Variants in ZNF277 observed in about 807,000 individuals in gnomAD.
ZNF277 encodes the protein nuclear receptor-interacting factor 4.
A neutral mutation model predicts 60.7 loss-of-function variants in ZNF277; 55 were observed. That is an observed-to-expected ratio of 0.91 (90% CI 0.73 to 1.13). The LOEUF is 1.13. Ranked by LOEUF, ZNF277 falls within the 50% of genes most tolerant of loss-of-function variation. ZNF277 has a pLI of 0.00. For synonymous variants in ZNF277, 178 were observed against 179.3 expected, an observed-to-expected ratio of 0.99 and a Z score of 0.06; for missense variants, 510 against 523.0, an observed-to-expected ratio of 0.98 and a Z score of 0.24.
intron 4 of ZNF277, among the ~76,000 whole-genome samples, chr7:112,316,851 A>G (rs571230458): frequency 1.4e-4 from 21 of 152,210 alleles, no homozygotes; most frequent in African/African-American, 4.8e-4. Context: ...ACACATGCAC[A>G]CATATGTTTA....
At chr7:112,296,379 G>T (rs62473138) in intron 4 of ZNF277, 68 bp downstream of exon 4, 14 of 730,176 alleles carry the variant, frequency 1.9e-5, no homozygotes, top group South Asian at 8.5e-5. Context: ...AAATCATATT[G>T]GTTTTTTTTT....
chr7:112,300,278 A>G (rs148786777), intron 4 of ZNF277, among the ~76,000 whole-genome samples: 4 of 152,312 alleles, frequency 2.6e-5, no homozygotes, highest in African/African-American at 9.6e-5. Context: ...CTTGATTCCT[A>G]CTTGACACTT....
intron 1 of ZNF277, among the ~76,000 whole-genome samples, chr7:112,227,097 G>A (rs1822194930): frequency 6.6e-6 from 1 of 152,038 alleles, no homozygotes; most frequent in Non-Finnish European, 1.5e-5. Flanking sequence ...TATCTCTTGT[G>A]GCAATACGTT....
chr7:112,260,164 G>A (rs761650407), intron 1 of ZNF277, among the ~76,000 whole-genome samples: 1 of 152,166 alleles, frequency 6.6e-6, no homozygotes, highest in African/African-American at 2.4e-5. Flanking sequence ...TACTCAGGAG[G>A]CTGAGATGGG....
At chr7:112,224,652 T>G (rs1387317160) in intron 1 of ZNF277, among the ~76,000 whole-genome samples, 2 of 152,182 alleles carry the variant, frequency 1.3e-5, no homozygotes, top group Non-Finnish European at 2.9e-5. Flanking sequence ...GGACGGGGGA[T>G]TCTTTCTAAA....
At chr7:112,340,021 A>AG in intron 10 of ZNF277, 136 bp downstream of exon 10, 1 of 786,706 alleles carries the variant, frequency 1.3e-6, no homozygotes. Context: ...GTCTTGACAG[A>AG]ACTCTCTGTG....
At position 112,321,008 on chromosome 7, in the gene ZNF277, G is replaced by A. The variant is rs143739586; in HGVS notation, c.557+2735G>A. ...AGGATCTCGGCTCACTGCAAGTTCC[G>A]CCTCCCGAGTTCAAGCCATTCTTCT... On this transcript the variant is annotated intron_variant, in intron 5 of 11. Transcript: ENST00000361822. 6.3e-3 allele frequency among the ~76,000 whole-genome samples: 871 copies of A among 137,792 alleles called. 8 individuals are homozygous for A. The highest frequency in any genetic ancestry group is 0.022 in the African/African-American group (823 of 37,216). The allele number at this position is 137,792 out of a possible 152,430, so 90.4% of individuals were successfully genotyped here. A position where few individuals can be genotyped will look rare whatever the true frequency, so the allele number is the denominator to read the frequency against.
chr7:112,266,032 G>T (rs1228464307), intron 1 of ZNF277, among the ~76,000 whole-genome samples: 1 of 152,188 alleles, frequency 6.6e-6, no homozygotes, highest in African/African-American at 2.4e-5. Context: ...TACTTTGTTG[G>T]CTCTGCTGTG....
intron 1 of ZNF277, among the ~76,000 whole-genome samples, chr7:112,276,566 G>A (rs1464846377): frequency 6.6e-6 from 1 of 152,158 alleles, no homozygotes; most frequent in Non-Finnish European, 1.5e-5. Flanking sequence ...GTTGTAGACA[G>A]GATGCAGTAA....
At chr7:112,268,540 A>G (rs541567436) in intron 1 of ZNF277, among the ~76,000 whole-genome samples, 35 of 152,092 alleles carry the variant, frequency 2.3e-4, no homozygotes, top group African/African-American at 8.4e-4. Flanking sequence ...CCCACATAGG[A>G]TCATTTGGTA....
chr7:112,234,337 A>T lies in ZNF277; in HGVS notation c.91+27530A>T, dbSNP rs112514471. On this transcript the variant is annotated intron_variant, in intron 1 of 11. Transcript: ENST00000361822. ...ATTTCTCATGGTTCTGGGGGTTGGT[A>T]AGTCCAAGATCAAGGTATCAACAAA... Among the ~76,000 whole-genome samples, 114 of 152,274 alleles carry T rather than the reference A, an allele frequency of 7.5e-4. 2 individuals are homozygous for T. Among genetic ancestry groups the T allele is most frequent in the African/African-American group, 2.7e-3 (111 of 41,566 alleles).
At chr7:112,220,764 A>G (rs1053872284) in intron 1 of ZNF277, among the ~76,000 whole-genome samples, 3 of 152,172 alleles carry the variant, frequency 2.0e-5, no homozygotes, top group African/African-American at 7.2e-5. Context: ...CACCCGACCA[A>G]TCAGGTAGTA....
chr7:112,337,948 C>A, intron 9 of ZNF277, 122 bp downstream of exon 9: 1 of 771,574 alleles, frequency 1.3e-6, no homozygotes, highest in Non-Finnish European at 2.0e-6. Flanking sequence ...AAGAGACAGG[C>A]CAGGTCTGTC....
chr7:112,241,111 G>C (rs1223670020), intron 1 of ZNF277, among the ~76,000 whole-genome samples: 5 of 151,770 alleles, frequency 3.3e-5, no homozygotes, highest in Non-Finnish European at 4.4e-5. Context: ...CGTCTGAAAA[G>C]GGATTTACGA....
At chr7:112,296,904 ATTTATTTATTTTTTTTTTTTTTTTTTT>A (rs1792355389) in intron 4 of ZNF277, among the ~76,000 whole-genome samples, 1 of 32,864 alleles carries the variant, frequency 3.0e-5, no homozygotes, top group Non-Finnish European at 5.4e-5. Context: ...TTATTTATTT[ATTTATTTATTTTTTTTTTTTTTTTTTT>A]TTTTTTTTTT....
At chr7:112,213,618 C>G (rs1369052286) in intron 1 of ZNF277, among the ~76,000 whole-genome samples, 1 of 152,072 alleles carries the variant, frequency 6.6e-6, no homozygotes, top group Non-Finnish European at 1.5e-5. Flanking sequence ...TTTTTATGTA[C>G]AAATGAGGAA....
intron 1 of ZNF277, among the ~76,000 whole-genome samples, chr7:112,219,878 C>T (rs113937872): frequency 0.038 from 5,727 of 152,270 alleles, 207 homozygotes; most frequent in South Asian, 0.12. Flanking sequence ...TTCAAGCAGT[C>T]CTCCTGCCTT....
rs187282058 is a variant in ZNF277 at position 112,221,433 on chromosome 7, T to C, written c.91+14626T>C. On this transcript the variant is annotated intron_variant, in intron 1 of 11. Transcript: ENST00000361822. ...CCGGTAACATTATCATATATGGCAGTGGTCCCCAACCTTCTTGGCACCAGG... is the reference window on the plus strand; with the variant it reads ...CCGGTAACATTATCATATATGGCAGCGGTCCCCAACCTTCTTGGCACCAGG... Among the ~76,000 whole-genome samples, 305 of 152,294 alleles carry C rather than the reference T, an allele frequency of 2.0e-3. 1 individual carries two copies. Among genetic ancestry groups the C allele is most frequent in the African/African-American group, 7.0e-3 (291 of 41,568 alleles).
At chr7:112,283,953 A>G (rs551817268) in intron 1 of ZNF277, among the ~76,000 whole-genome samples, 2 of 152,328 alleles carry the variant, frequency 1.3e-5, no homozygotes, top group South Asian at 2.1e-4. Flanking sequence ...AGCACCAAAT[A>G]TACATACTAA....
Sources: gnomAD v4.1 joint callset for allele counts (sites outside exome capture counted in the v4.1 genomes callset) on GRCh38, gnomAD v4.1.1 for gene constraint, MANE v1.5 for transcripts, NCBI Gene and HGNC (gene_info 2026-07-23, HGNC 2026-07-21) for gene names.